CRACD: variants seen among roughly 807,000 people sequenced by gnomAD.
The protein encoded by CRACD is capping protein inhibiting regulator of actin dynamics, also known as capping protein-inhibiting regulator of actin dynamics.
In CRACD, 56 loss-of-function variants were observed where a neutral mutation model predicts 106.8. The ratio of observed to expected loss-of-function variants is 0.52; its 90% CI spans 0.42 to 0.66. The LOEUF is 0.66. Among genes scored for constraint, CRACD ranks in the 30% least tolerant of loss-of-function variants. The pLI is 0.00. For missense variants in CRACD, 1,730 were observed against 1,623.2 expected (o/e 1.07, Z -1.13); for synonymous variants, 754 against 670.8 (o/e 1.12, Z -1.92).
chr4:56,269,696 G>A (rs1225659071), intron 2 of CRACD, among the ~76,000 whole-genome samples: 4 of 151,086 alleles, frequency 2.6e-5, no homozygotes, highest in Non-Finnish European at 5.9e-5. Context: ...CTCCTGAGTA[G>A]CTGGGACTAC....
chr4:56,135,049 C>T (rs1030751102), intron 1 of CRACD, among the ~76,000 whole-genome samples: 4 of 151,828 alleles, frequency 2.6e-5, no homozygotes, highest in East Asian at 1.9e-4. Flanking sequence ...TTTGGGAGCC[C>T]GAGGCGGGTG....
At chr4:56,306,532 C>CAAAT (rs1015773714) in intron 4 of CRACD, among the ~76,000 whole-genome samples, 20 of 152,044 alleles carry the variant, frequency 1.3e-4, no homozygotes, top group African/African-American at 4.3e-4. Context: ...AACAAACAAA[C>CAAAT]AAACAAACAG....
chr4:56,164,567 A>T (rs1183334613), intron 1 of CRACD, among the ~76,000 whole-genome samples: 3 of 152,252 alleles, frequency 2.0e-5, no homozygotes, highest in African/African-American at 7.2e-5. Context: ...AAAGGGAGCC[A>T]TACTGTATGA....
intron 1 of CRACD, among the ~76,000 whole-genome samples, chr4:56,122,426 G>C (rs1323958461): frequency 6.6e-6 from 1 of 151,840 alleles, no homozygotes; most frequent in African/African-American, 2.4e-5. Flanking sequence ...ATTCTCTATA[G>C]ACATTATATC....
intron 1 of CRACD, among the ~76,000 whole-genome samples, chr4:56,095,880 TGGA>T (rs1733585431): frequency 6.6e-6 from 1 of 152,118 alleles, no homozygotes; most frequent in African/African-American, 2.4e-5. Context: ...GTGTTAGTTG[TGGA>T]GTAGTGAGAT....
At chr4:56,157,827 C>T (rs955633499) in intron 1 of CRACD, among the ~76,000 whole-genome samples, 4 of 152,088 alleles carry the variant, frequency 2.6e-5, no homozygotes, top group Admixed American at 6.5e-5. Context: ...TCCCTTTTTG[C>T]TGATGAGAAG....
chr4:56,286,090 T>A (rs944742512), intron 3 of CRACD, among the ~76,000 whole-genome samples: 1 of 152,012 alleles, frequency 6.6e-6, no homozygotes, highest in Non-Finnish European at 1.5e-5. Context: ...GCAAATTAAC[T>A]CCTTTAAGAT....
intron 2 of CRACD, among the ~76,000 whole-genome samples, chr4:56,211,801 C>A (rs1377952128): frequency 1.3e-5 from 2 of 152,154 alleles, no homozygotes; most frequent in Non-Finnish European, 2.9e-5. Flanking sequence ...ATGTGTAAAA[C>A]AGGGGAAGGA....
intron 1 of CRACD, among the ~76,000 whole-genome samples, chr4:56,051,524 T>C (rs567655379): frequency 6.6e-6 from 1 of 152,312 alleles, no homozygotes; most frequent in South Asian, 2.1e-4. Flanking sequence ...GGGCAGATAT[T>C]ATCATTCCCG....
intron 2 of CRACD, among the ~76,000 whole-genome samples, chr4:56,225,403 TATTTTTTGAATAAAGAC>T (rs1307026144): frequency 2.0e-5 from 3 of 152,192 alleles, no homozygotes; most frequent in African/African-American, 7.2e-5. Flanking sequence ...TCAACATGGT[TATTTTTTGAATAAAGAC>T]ATTTTGATTG....
intron 2 of CRACD, among the ~76,000 whole-genome samples, chr4:56,228,472 G>A (rs183524147): frequency 6.6e-6 from 1 of 152,084 alleles, no homozygotes; most frequent in East Asian, 1.9e-4. Context: ...TACAGAATTT[G>A]CCTAAGTCGG....
intron 1 of CRACD, 89 bp downstream of exon 1, chr4:56,049,388 C>T (rs2109772111): frequency 6.6e-6 from 1 of 152,104 alleles, no homozygotes; most frequent in South Asian, 2.1e-4. Context: ...CGGGCCGGGC[C>T]CCCGCAGCGC....
intron 1 of CRACD, among the ~76,000 whole-genome samples, chr4:56,124,629 G>A (rs113606062): frequency 7.9e-5 from 12 of 151,942 alleles, no homozygotes; most frequent in Admixed American, 2.0e-4. Context: ...TTTAAATCAC[G>A]GTCCAAATAA....
rs549758176 is a variant in CRACD, at chr4:56,252,388, A to G, written c.-188-19933A>G. Among the ~76,000 whole-genome samples, 4 of 152,246 alleles carry G rather than the reference A, an allele frequency of 2.6e-5. No individual in the cohort carries two copies. The East Asian group carries it at 5.8e-4, about 22-fold the overall frequency. ...CCCCTAACAGGCTCCATCTTCTTAC[A>G]TGAGGCCAGAATTAGGAAAACTGTG... On this transcript the variant is annotated intron_variant, in intron 2 of 10. Coordinates refer to ENST00000682029, the MANE Select transcript of CRACD (RefSeq NM_001393381.1).
At chr4:56,311,786 GGCCACATCGGAGCT>G (rs1745174758) in intron 6 of CRACD, among the ~76,000 whole-genome samples, 1 of 152,112 alleles carries the variant, frequency 6.6e-6, no homozygotes, top group Non-Finnish European at 1.5e-5. Context: ...AATAAACCCT[GGCCACATCGGAGCT>G]GCTGGCATAG....
intron 2 of CRACD, among the ~76,000 whole-genome samples, chr4:56,212,270 T>G (rs540784200): frequency 1.3e-5 from 2 of 152,348 alleles, no homozygotes; most frequent in South Asian, 4.1e-4. Flanking sequence ...TTACCTTATA[T>G]AGTCTAAAAC....
intron 2 of CRACD, among the ~76,000 whole-genome samples, chr4:56,230,230 T>G (rs2109532777): frequency 6.6e-6 from 1 of 152,272 alleles, no homozygotes; most frequent in South Asian, 2.1e-4. Flanking sequence ...TTATTGGTTT[T>G]GGGGTACGTC....
At chr4:56,204,308 A>G (rs1171553346) in intron 2 of CRACD, among the ~76,000 whole-genome samples, 1 of 152,192 alleles carries the variant, frequency 6.6e-6, no homozygotes, top group Non-Finnish European at 1.5e-5. Flanking sequence ...TGCTGCTATA[A>G]CAGAATACCC....
At chr4:56,249,043 A>G (rs1180173802) in intron 2 of CRACD, among the ~76,000 whole-genome samples, 3 of 84,226 alleles carry the variant, frequency 3.6e-5, no homozygotes. Context: ...ATACATGTGC[A>G]TGTGTCTTTA....
Sources: allele counts gnomAD v4.1 joint callset (sites outside exome capture counted in the v4.1 genomes callset), GRCh38; gene constraint gnomAD v4.1.1; transcripts MANE v1.5; gene names NCBI Gene and HGNC (gene_info 2026-07-23, HGNC 2026-07-21).